SH3BP4: variants seen among roughly 807,000 people sequenced by gnomAD.
SH3BP4 encodes the protein SH3 domain binding protein 4.
Under a neutral mutation model 65.5 loss-of-function variants are expected in SH3BP4, and 33 were observed. The observed-to-expected ratio is 0.50, with a 90% confidence interval of 0.38 to 0.67. The LOEUF is 0.67. Among genes scored for constraint, SH3BP4 ranks in the 30% least tolerant of loss-of-function variants. The pLI is 0.00. For synonymous variants in SH3BP4, 552 were observed against 545.5 expected (o/e 1.01, Z -0.17); for missense variants, 1,134 against 1,261.4 (o/e 0.90, Z 1.53).
chr2:235,040,984 C>T lies in SH3BP4; in HGVS notation c.215C>T (p.Thr72Ile). 1 of 1,614,030 alleles carries T rather than the reference C, an allele frequency of 6.2e-7. No individual in the cohort carries two copies. Reference protein sequence around the residue: ...AIKDYCPTNFTTLKFSKGDHL... With the variant: ...AIKDYCPTNFITLKFSKGDHL... The stretch of plus-strand genomic sequence containing the variant: ...AAGGACTATTGCCCCACCAACTTCA[C>T]CACACTGAAGTTCTCCAAGGGCGAC... Residue 72 changes from threonine (T) to isoleucine (I), a missense_variant, in exon 4 of 6, where the codon ACC becomes ATC. Transcript: ENST00000392011.
rs1695663960 is a variant in SH3BP4, at chr2:235,041,906, G to A, written c.1137G>A (p.Glu379=). The change falls in exon 4 of 6, where the codon GAG becomes GAA. Residue 379 remains glutamate (E), a synonymous_variant. Coordinates refer to ENST00000392011, the MANE Select transcript of SH3BP4 (RefSeq NM_014521.3). The surrounding 1 kb of genome is among the most constrained non-coding windows in gnomAD (Gnocchi z 6.0). ...CCTGCAGCATCAGCCCTGTGCTGGA[G>A]GTCAAGCTGAGCAACCTGGAGGTGA... is the stretch of plus-strand genomic sequence containing the variant. ...DRSCSISPVL[E]VKLSNLEVKT... is the part of the protein sequence containing the mutation. The A allele has an allele frequency of 3.7e-6, 6 of 1,613,440 alleles. No homozygotes were observed. In the South Asian group the frequency reaches 5.5e-5, roughly 15 times the overall value.
intron 2 of SH3BP4, among the ~76,000 whole-genome samples, chr2:235,023,627 T>TTTTCC (rs1415594734): frequency 6.6e-6 from 1 of 152,060 alleles, no homozygotes; most frequent in African/African-American, 2.4e-5. Flanking sequence ...CTTAGGAAAA[T>TTTTCC]TAAGAAAATT....
chr2:234,962,092 T>C (rs1692728276), intron 1 of SH3BP4, among the ~76,000 whole-genome samples: 1 of 152,198 alleles, frequency 6.6e-6, no homozygotes, highest in Non-Finnish European at 1.5e-5. Context: ...AAGTACTTTG[T>C]AGACATATGA....
intron 2 of SH3BP4, among the ~76,000 whole-genome samples, chr2:234,999,052 C>T (rs1372944195): frequency 2.6e-5 from 4 of 152,194 alleles, no homozygotes; most frequent in East Asian, 1.9e-4. Flanking sequence ...CCAGTGACAA[C>T]GTCCGCAGGG....
At chr2:235,049,202 A>G (rs564656604) in intron 4 of SH3BP4, among the ~76,000 whole-genome samples, 67 of 152,232 alleles carry the variant, frequency 4.4e-4, no homozygotes, top group African/African-American at 1.5e-3. Context: ...CTGCCCCTGG[A>G]TGGAGTCCAG....
rs59781959 is a variant in SH3BP4, at chr2:235,046,750, GATGA to G, written c.2478+3523_2478+3526del. Among the ~76,000 whole-genome samples, 2,448 of 151,560 alleles carry G rather than the reference GATGA, an allele frequency of 0.016. 58 individuals are homozygous for G. Among genetic ancestry groups the G allele is most frequent in the African/African-American group, 0.057 (2,334 of 40,988 alleles). ...ATGAATGATGGATGAATGAATGAAT[GATGA>G]ATGAATGAATGAATGAATGCAGGCC... is the stretch of plus-strand genomic sequence containing the variant. On this transcript the variant is annotated intron_variant, in intron 4 of 5. Coordinates refer to ENST00000392011, the MANE Select transcript of SH3BP4 (RefSeq NM_014521.3). The surrounding 1 kb of genome is among the most constrained non-coding windows in gnomAD (Gnocchi z 4.2).
In SH3BP4 at chr2:235,046,210, C is replaced by T. The variant is rs987035014; in HGVS notation, c.2478+2963C>T. 5.3e-5 allele frequency among the ~76,000 whole-genome samples: 8 copies of T among 152,296 alleles called. No homozygotes were observed. The highest frequency in any genetic ancestry group is 4.6e-4 in the Admixed American group (7 of 15,296). The stretch of plus-strand genomic sequence containing the variant: ...CAGCTCAAATGCCGTCTCTCCAGGA[C>T]GTCCTTCTCTGCAGCCCCGCGCACT... On this transcript the variant is annotated intron_variant, in intron 4 of 5. Coordinates refer to ENST00000392011, the MANE Select transcript of SH3BP4 (RefSeq NM_014521.3). The surrounding 1 kb of genome is among the most constrained non-coding windows in gnomAD (Gnocchi z 4.2).
rs1695340813 is a variant in SH3BP4 at position 235,035,225 on chromosome 2, ATAGT to A, written c.118+108_118+111del. 1.3e-5 allele frequency: 11 copies of A among 833,504 alleles called. No homozygotes were observed. The allele number at this position is 833,504 out of a possible 1,614,324, so 51.6% of individuals were successfully genotyped here. A position where few individuals can be genotyped will look rare whatever the true frequency, so the allele number is the denominator to read the frequency against. On this transcript the variant is annotated intron_variant, in intron 3 of 5. Coordinates refer to ENST00000392011, the MANE Select transcript of SH3BP4 (RefSeq NM_014521.3). This position sits in a 1 kb window ranked among gnomAD's most constrained non-coding sequence, Gnocchi z 5.0. ...TAAAGATTGCCAGTTTAGCATTCAGATAGTTAAAGTTTAGTTCTTTAAACTTCAT... is the reference window on the plus strand; with the variant it reads ...TAAAGATTGCCAGTTTAGCATTCAGATAAAGTTTAGTTCTTTAAACTTCAT...
At chr2:235,022,917 A>G (rs1173781848) in intron 2 of SH3BP4, among the ~76,000 whole-genome samples, 1 of 152,188 alleles carries the variant, frequency 6.6e-6, no homozygotes, top group Non-Finnish European at 1.5e-5. Context: ...TTGGGGCCTG[A>G]TGGGTCTGGT....
intron 2 of SH3BP4, among the ~76,000 whole-genome samples, chr2:235,019,259 G>A (rs72987417): frequency 0.1 from 15,845 of 152,056 alleles, 1,264 homozygotes; most frequent in East Asian, 0.28. Context: ...GGGCACTCAG[G>A]TGAGTGATGG....
At position 235,052,395 on chromosome 2, in the gene SH3BP4, G is replaced by A. The variant is rs1343649468; in HGVS notation, c.2479-167G>A. Among the ~76,000 whole-genome samples, 6 of 152,242 alleles carry A rather than the reference G, an allele frequency of 3.9e-5. No homozygotes were observed. In the East Asian group the frequency reaches 7.7e-4, roughly 20 times the overall value. ...CTCTGCACATCATCTCTTTTCTCCCGTGAATCCTGGCAGTGATCGATTTCA... is the reference window on the plus strand; with the variant it reads ...CTCTGCACATCATCTCTTTTCTCCCATGAATCCTGGCAGTGATCGATTTCA... On this transcript the variant is annotated intron_variant, in intron 4 of 5. Coordinates refer to ENST00000392011, the MANE Select transcript of SH3BP4 (RefSeq NM_014521.3). This position sits in a 1 kb window ranked among gnomAD's most constrained non-coding sequence, Gnocchi z 5.0.
chr2:234,964,518 G>T (rs2106242621), intron 1 of SH3BP4, among the ~76,000 whole-genome samples: 1 of 90,556 alleles, frequency 1.1e-5, no homozygotes, highest in Middle Eastern at 6.9e-3. Flanking sequence ...GAAAGGTCAG[G>T]GTTCATGAGG....
At chr2:234,996,423 G>A (rs1328939633) in intron 2 of SH3BP4, among the ~76,000 whole-genome samples, 1 of 152,162 alleles carries the variant, frequency 6.6e-6, no homozygotes, top group Non-Finnish European at 1.5e-5. Flanking sequence ...TGTGCCTTAG[G>A]ATGGAGAGAA....
At chr2:234,975,186 C>T (rs1041657524) in intron 1 of SH3BP4, among the ~76,000 whole-genome samples, 2 of 150,580 alleles carry the variant, frequency 1.3e-5, no homozygotes, top group Non-Finnish European at 3.0e-5. Context: ...TGTTATCCCA[C>T]AGGGAATTGG....
intron 1 of SH3BP4, among the ~76,000 whole-genome samples, chr2:234,993,657 C>T (rs954178667): frequency 6.6e-6 from 1 of 152,124 alleles, no homozygotes; most frequent in Non-Finnish European, 1.5e-5. Context: ...TTTTCAGTGC[C>T]CTTTTATGTC....
intron 1 of SH3BP4, among the ~76,000 whole-genome samples, chr2:234,971,002 C>T (rs1470411257): frequency 6.6e-6 from 1 of 152,128 alleles, no homozygotes. Flanking sequence ...ATGGCCTTCC[C>T]CCACTGCCTT....
At chr2:235,038,770 T>TCAGGGGGCAGGCAGGGAGTCCTGCCTG in intron 3 of SH3BP4, among the ~76,000 whole-genome samples, 1 of 151,932 alleles carries the variant, frequency 6.6e-6, no homozygotes, top group Non-Finnish European at 1.5e-5. Context: ...ATGACCTGCT[T>TCAGGGGGCAGGCAGGGAGTCCTGCCTG]CAGGGGGCAG....
At chr2:235,050,187 C>G (rs1003129782) in intron 4 of SH3BP4, among the ~76,000 whole-genome samples, 2 of 152,076 alleles carry the variant, frequency 1.3e-5, no homozygotes, top group African/African-American at 2.4e-5. Flanking sequence ...GCGATCTCAG[C>G]TCACTACAAG....
At chr2:235,050,115 T>C (rs894025763) in intron 4 of SH3BP4, among the ~76,000 whole-genome samples, 2 of 151,792 alleles carry the variant, frequency 1.3e-5, no homozygotes, top group South Asian at 2.1e-4. Flanking sequence ...GGTTTCTTTT[T>C]TTTTCTTTTC....
Sources: gnomAD v4.1 joint callset for allele counts (sites outside exome capture counted in the v4.1 genomes callset) on GRCh38, gnomAD v4.1.1 for gene constraint, Gnocchi (gnomAD v3.1) non-coding constraint, MANE v1.5 for transcripts, NCBI Gene and HGNC (gene_info 2026-07-23, HGNC 2026-07-21) for gene names.